The following PRKAR1B variants were observed in gnomAD, a reference collection of about 807,000 sequenced individuals.
PRKAR1B encodes protein kinase cAMP-dependent type I regulatory subunit beta, also known as cAMP-dependent protein kinase type I-beta regulatory subunit.
In PRKAR1B, 22 loss-of-function variants were observed where a neutral mutation model predicts 46.5. That is an observed-to-expected ratio of 0.47 (90% CI 0.34 to 0.68). The LOEUF is 0.68. PRKAR1B is among the 30% of genes least tolerant of loss of function. The probability of loss-of-function intolerance (pLI) is 0.01; values close to 1 mark genes in which losing one functional copy is unlikely to be tolerated. For synonymous variants in PRKAR1B, 259 were observed against 217.7 expected (o/e 1.19, Z -1.67); for missense variants, 445 against 535.6 (o/e 0.83, Z 1.67).
chr7:716,719 C>G (rs938279878), intron 1 of PRKAR1B: 3 of 152,366 alleles, frequency 2.0e-5, no homozygotes, highest in South Asian at 2.1e-4. Flanking sequence ...TTAAGCTGCT[C>G]TGGCCACTGG....
At position 659,637 on chromosome 7, in the gene PRKAR1B, G is replaced by C. The variant is rs1175500957; in HGVS notation, c.440+17592C>G. Among the ~76,000 whole-genome samples, 3 of 152,328 alleles carry C rather than the reference G, an allele frequency of 2.0e-5. No homozygotes were observed. The East Asian group carries it at 5.8e-4, about 29-fold the overall frequency. On this transcript the variant is annotated intron_variant, in intron 4 of 10. Coordinates refer to ENST00000537384, the MANE Select transcript of PRKAR1B (RefSeq NM_001164760.2). ...GAGGAAACCCCAGGCCGCGACCATG[G>C]ACACCGGCAGGACAGCAAGAGGCTG...
chr7:640,114 G>A (rs1325974344), intron 4 of PRKAR1B, among the ~76,000 whole-genome samples: 1 of 147,340 alleles, frequency 6.8e-6, no homozygotes, highest in African/African-American at 2.5e-5. Flanking sequence ...AGTGAGCCGA[G>A]ATCGTACTAT....
At chr7:609,489 AG>A (rs1325407017) in intron 4 of PRKAR1B, among the ~76,000 whole-genome samples, 1 of 152,128 alleles carries the variant, frequency 6.6e-6, no homozygotes, top group East Asian at 1.9e-4. Flanking sequence ...CTCCGGGCCC[AG>A]GTGTGGAGGG....
In PRKAR1B at chr7:595,561, C is replaced by T. The variant is rs150384329; in HGVS notation, c.708+585G>A. Among the ~76,000 whole-genome samples, 575 of 152,266 alleles carry T rather than the reference C, an allele frequency of 3.8e-3. 1 individual carries two copies. The highest frequency in any genetic ancestry group is 6.8e-3 in the Middle Eastern group (2 of 294). On this transcript the variant is annotated intron_variant, in intron 7 of 10. Coordinates refer to ENST00000537384, the MANE Select transcript of PRKAR1B (RefSeq NM_001164760.2). Reference sequence around the variant, plus strand: ...GAAAGGGTCCTCCCCGGGCTCCCCACGAGCTCACCTCCAGGAGCCCCTACA... The same window carrying T: ...GAAAGGGTCCTCCCCGGGCTCCCCATGAGCTCACCTCCAGGAGCCCCTACA...
chr7:611,422 G>T (rs905723050), intron 4 of PRKAR1B, among the ~76,000 whole-genome samples: 1 of 152,246 alleles, frequency 6.6e-6, no homozygotes, highest in African/African-American at 2.4e-5. Flanking sequence ...GTGGTGCTGG[G>T]TCAGGACAGT....
chr7:628,549 A>G (rs1042568783), intron 4 of PRKAR1B, among the ~76,000 whole-genome samples: 4 of 152,194 alleles, frequency 2.6e-5, no homozygotes, highest in African/African-American at 9.6e-5. Context: ...AGGAAGAGCA[A>G]AGGCCGGCAG....
chr7:704,828 A>C (rs1780235977), intron 2 of PRKAR1B, among the ~76,000 whole-genome samples: 1 of 152,244 alleles, frequency 6.6e-6, no homozygotes, highest in African/African-American at 2.4e-5. Context: ...TAAATTAAAT[A>C]TCTGACAGTT....
intron 5 of PRKAR1B, 72 bp from the exon 6 acceptor site, chr7:606,311 C>T (rs548007122): frequency 2.1e-5 from 31 of 1,470,464 alleles, no homozygotes; most frequent in East Asian, 1.8e-4. Context: ...CTCTTGCAAA[C>T]GACTTTCGCA....
At chr7:628,772 C>T (rs965343377) in intron 4 of PRKAR1B, among the ~76,000 whole-genome samples, 2 of 152,012 alleles carry the variant, frequency 1.3e-5, no homozygotes, top group Non-Finnish European at 2.9e-5. Flanking sequence ...CCCCCCTGAC[C>T]ATCTCCCTCC....
At chr7:671,913 C>T (rs1021500360) in intron 4 of PRKAR1B, among the ~76,000 whole-genome samples, 6 of 152,220 alleles carry the variant, frequency 3.9e-5, no homozygotes, top group Non-Finnish European at 7.3e-5. Flanking sequence ...CCTTTCTGCC[C>T]ATCCTGAATG....
chr7:723,330 G>A (rs1308858813), intron 1 of PRKAR1B, among the ~76,000 whole-genome samples: 1 of 152,156 alleles, frequency 6.6e-6, no homozygotes, highest in Non-Finnish European at 1.5e-5. Context: ...CCAGAGAGAG[G>A]AGGCTTTCCT....
chr7:712,515 C>G (rs971121193), intron 1 of PRKAR1B: 1 of 146,642 alleles, frequency 6.8e-6, no homozygotes, highest in South Asian at 2.1e-4. Context: ...GCAGCGGCGC[C>G]GCCCTCCACG....
intron 1 of PRKAR1B, among the ~76,000 whole-genome samples, chr7:716,120 T>C (rs1780876281): frequency 6.6e-6 from 1 of 151,870 alleles, no homozygotes; most frequent in Admixed American, 6.6e-5. Context: ...TGATCATAGC[T>C]CACTGCAGCC....
intron 4 of PRKAR1B, among the ~76,000 whole-genome samples, chr7:624,584 T>G (rs562573767): frequency 6.0e-4 from 91 of 152,242 alleles, no homozygotes; most frequent in Non-Finnish European, 1.1e-3. Context: ...AAATATGCAA[T>G]AGTTGGTGAT....
chr7:688,704 C>T (rs933567194), intron 2 of PRKAR1B, among the ~76,000 whole-genome samples: 2 of 152,174 alleles, frequency 1.3e-5, no homozygotes, highest in African/African-American at 4.8e-5. Context: ...CAGGAAAACC[C>T]TCCCAATACG....
At chr7:694,644 A>C (rs577099882) in intron 2 of PRKAR1B, among the ~76,000 whole-genome samples, 11 of 152,008 alleles carry the variant, frequency 7.2e-5, no homozygotes. Context: ...TTCTGCTCAG[A>C]CCTCTGTGAG....
intron 4 of PRKAR1B, among the ~76,000 whole-genome samples, chr7:609,015 G>T (rs868285647): frequency 2.6e-4 from 29 of 110,608 alleles, no homozygotes; most frequent in South Asian, 1.1e-3. Flanking sequence ...CTGTAGGGAG[G>T]GCCGGGGGGC....
At chr7:553,250 C>T (rs986665112) in intron 9 of PRKAR1B, among the ~76,000 whole-genome samples, 7 of 152,242 alleles carry the variant, frequency 4.6e-5, no homozygotes, top group Admixed American at 1.3e-4. Context: ...GCCGGGGAAA[C>T]GGTCTGTCCT....
intron 5 of PRKAR1B, 122 bp from the exon 6 acceptor site, chr7:606,361 T>C: frequency 1.4e-6 from 1 of 713,994 alleles, no homozygotes. Flanking sequence ...TCCTGGGTGC[T>C]ACCAATTCTT....
Sources: allele counts gnomAD v4.1 joint callset (sites outside exome capture counted in the v4.1 genomes callset), GRCh38; gene constraint gnomAD v4.1.1; transcripts MANE v1.5; gene names NCBI Gene and HGNC (gene_info 2026-07-23, HGNC 2026-07-21).